Variants in ETV6 observed in about 807,000 individuals in gnomAD.
The protein encoded by ETV6 is transcription factor ETV6.
A neutral mutation model predicts 51.1 loss-of-function variants in ETV6; 16 were observed. That is an observed-to-expected ratio of 0.31 (90% confidence interval 0.21 to 0.48). The LOEUF (loss-of-function observed/expected upper bound fraction) is 0.48. Ranked by LOEUF, ETV6 falls within the 20% of genes least tolerant of loss-of-function variation. ETV6 has a pLI of 0.99. For missense variants in ETV6, 458 were observed against 594.8 expected (o/e 0.77, Z 2.39); for synonymous variants, 240 against 224.1 (o/e 1.07, Z -0.64).
chr12:11,691,732 T>C (rs952374505), intron 1 of ETV6, among the ~76,000 whole-genome samples: 18 of 152,254 alleles, frequency 1.2e-4, no homozygotes, highest in Admixed American at 1.2e-3. Context: ...ACACAGTTTA[T>C]TCATTCACTC....
chr12:11,804,316 C>T (rs1246760403), intron 2 of ETV6, among the ~76,000 whole-genome samples: 3 of 152,214 alleles, frequency 2.0e-5, no homozygotes, highest in Admixed American at 1.3e-4. Flanking sequence ...GTGCCAAAAC[C>T]TCCACTGGCT....
intron 1 of ETV6, among the ~76,000 whole-genome samples, chr12:11,702,112 G>A (rs1428096549): frequency 6.6e-6 from 1 of 152,152 alleles, no homozygotes; most frequent in East Asian, 1.9e-4. Context: ...GGGTGTGAAT[G>A]GATTGGAATG....
At chr12:11,736,597 A>G (rs911356997) in intron 1 of ETV6, among the ~76,000 whole-genome samples, 6 of 152,210 alleles carry the variant, frequency 3.9e-5, no homozygotes, top group African/African-American at 1.4e-4. Context: ...ATTGTAAAGT[A>G]TCTATTTCGA....
At position 11,865,723 on chromosome 12, in the gene ETV6, A is replaced by G. The variant is rs552319416; in HGVS notation, c.464-3701A>G. Among the ~76,000 whole-genome samples, 421 of 149,282 alleles carry G rather than the reference A, an allele frequency of 2.8e-3. 1 individual carries two copies. Among genetic ancestry groups the G allele is most frequent in the African/African-American group, 9.4e-3 (387 of 40,978 alleles). The stretch of plus-strand genomic sequence containing the variant: ...TGTGTGTATATATATACTATATATC[A>G]TACTATGCATATATAGTATATTAGT... On this transcript the variant is annotated intron_variant, in intron 4 of 7. Transcript: ENST00000396373.
intron 1 of ETV6, among the ~76,000 whole-genome samples, chr12:11,708,535 T>TC (rs900929243): frequency 4.6e-5 from 7 of 152,190 alleles, no homozygotes; most frequent in Admixed American, 2.0e-4. Context: ...CGGCCCAGAC[T>TC]CCCCCCTGTC....
intron 2 of ETV6, among the ~76,000 whole-genome samples, chr12:11,815,041 C>T (rs1033592543): frequency 5.9e-5 from 9 of 152,142 alleles, no homozygotes; most frequent in Admixed American, 5.9e-4. Context: ...AAATGATGCA[C>T]CCCACTTTCC....
chr12:11,888,083 C>G (rs1019434435), intron 7 of ETV6, among the ~76,000 whole-genome samples: 1 of 152,242 alleles, frequency 6.6e-6, no homozygotes, highest in Non-Finnish European at 1.5e-5. Flanking sequence ...AAGCTGATGT[C>G]TGGACTTCAT....
At chr12:11,787,823 C>G (rs917984906) in intron 2 of ETV6, among the ~76,000 whole-genome samples, 3 of 151,926 alleles carry the variant, frequency 2.0e-5, no homozygotes, top group African/African-American at 7.3e-5. Context: ...AAGCCCTAAG[C>G]CCAAGTTGTA....
chr12:11,733,486 A>T (rs554804876), intron 1 of ETV6, among the ~76,000 whole-genome samples: 1 of 151,682 alleles, frequency 6.6e-6, no homozygotes, highest in African/African-American at 2.4e-5. Flanking sequence ...GTTTTCTGAC[A>T]TATCATCTTG....
intron 1 of ETV6, among the ~76,000 whole-genome samples, chr12:11,650,481 T>TAAAACAAACAAAAAAAA (rs1863875011): frequency 4.6e-5 from 2 of 43,334 alleles, no homozygotes; most frequent in African/African-American, 1.7e-4. Context: ...TTAGTGCGCT[T>TAAAACAAACAAAAAAAA]AAAAAAAAAA....
At chr12:11,772,396 G>A (rs1945254456) in intron 2 of ETV6, among the ~76,000 whole-genome samples, 1 of 152,176 alleles carries the variant, frequency 6.6e-6, no homozygotes. Flanking sequence ...AAAGGTGTCC[G>A]AATAGTAAAG....
intron 2 of ETV6, among the ~76,000 whole-genome samples, chr12:11,819,984 C>T (rs1357624187): frequency 6.6e-6 from 1 of 152,222 alleles, no homozygotes; most frequent in Non-Finnish European, 1.5e-5. Flanking sequence ...GCAGACAAGG[C>T]CTTCCAAGGC....
At chr12:11,725,114 G>A (rs976260366) in intron 1 of ETV6, among the ~76,000 whole-genome samples, 3 of 151,194 alleles carry the variant, frequency 2.0e-5, no homozygotes, top group East Asian at 1.9e-4. Flanking sequence ...CATGTTCCCT[G>A]CCAGGAATCT....
At chr12:11,883,276 C>CTTTTTTTTTTTTTTTTTT (rs547786286) in intron 5 of ETV6, among the ~76,000 whole-genome samples, 1 of 79,116 alleles carries the variant, frequency 1.3e-5, no homozygotes, top group Non-Finnish European at 2.2e-5. Flanking sequence ...ATGTCTTCTT[C>CTTTTTTTTTTTTTTTTTT]TTTTTTTTTT....
intron 2 of ETV6, among the ~76,000 whole-genome samples, chr12:11,755,169 A>C (rs1037579478): frequency 6.6e-6 from 1 of 152,160 alleles, no homozygotes; most frequent in Non-Finnish European, 1.5e-5. Flanking sequence ...TTATGGCTGG[A>C]ATCTATTCTA....
At chr12:11,777,239 C>CA (rs5796465) in intron 2 of ETV6, among the ~76,000 whole-genome samples, 37,777 of 78,766 alleles carry the variant, frequency 0.48, 9,878 homozygotes, top group East Asian at 0.66. Context: ...GACTCCGTGT[C>CA]AAAAAAAAAA....
chr12:11,716,203 C>T (rs1865273631), intron 1 of ETV6, among the ~76,000 whole-genome samples: 1 of 151,552 alleles, frequency 6.6e-6, no homozygotes, highest in Admixed American at 6.6e-5. Context: ...TGGTGGTGGG[C>T]GCCTGTAGTC....
At chr12:11,761,803 G>A (rs1163397462) in intron 2 of ETV6, among the ~76,000 whole-genome samples, 2 of 152,246 alleles carry the variant, frequency 1.3e-5, no homozygotes, top group Non-Finnish European at 2.9e-5. Flanking sequence ...GAAATGGCCT[G>A]AGTATATGAT....
At chr12:11,678,341 G>T (rs570481182) in intron 1 of ETV6, among the ~76,000 whole-genome samples, 3 of 152,306 alleles carry the variant, frequency 2.0e-5, no homozygotes, top group African/African-American at 7.2e-5. Flanking sequence ...AAGGAGGTCT[G>T]TATGTTTAGT....
Sources: gnomAD v4.1 joint callset for allele counts (sites outside exome capture counted in the v4.1 genomes callset) on GRCh38, gnomAD v4.1.1 for gene constraint, MANE v1.5 for transcripts, NCBI Gene and HGNC (gene_info 2026-07-23, HGNC 2026-07-21) for gene names.